Variants in HPGD observed in about 807,000 individuals in gnomAD.
HPGD encodes 15-hydroxyprostaglandin dehydrogenase.
Under a neutral mutation model 30.0 loss-of-function variants are expected in HPGD, and 29 were observed. The ratio of observed to expected loss-of-function variants is 0.97; its 90% CI spans 0.72 to 1.32. The LOEUF (loss-of-function observed/expected upper bound fraction) is 1.32, where lower values mean the gene tolerates loss of function less well. Among genes scored for constraint, HPGD ranks in the 40% most tolerant of loss-of-function variants. HPGD has a pLI of 0.00. For synonymous variants in HPGD, 99 were observed against 112.4 expected (o/e 0.88, Z 0.75); for missense variants, 340 against 322.1 (o/e 1.06, Z -0.43).
chr4:174,522,822 G>A (rs913002257), upstream of HPGD: 1 of 182,654 alleles, frequency 5.5e-6, no homozygotes, highest in African/African-American at 2.3e-5. Context: ...GCGGAGCAGA[G>A]GCTTGGAAGC....
At chr4:174,516,927 C>T (rs1453478950) in intron 3 of HPGD, among the ~76,000 whole-genome samples, 1 of 152,126 alleles carries the variant, frequency 6.6e-6, no homozygotes, top group Admixed American at 6.6e-5. Flanking sequence ...CAAAGAAAAA[C>T]ACAACCCAGT....
chr4:174,522,053 A>G lies in HPGD; in HGVS notation c.108T>C (p.Asp36=). ...ACTGTACACCTGCTTCAAGATTCCA[A>G]TCCACCAGCGCTACCTATAGACAAG... ...LLKGAKVALV[D]WNLEAGVQCK... is the part of the protein sequence containing the mutation. Residue 36 remains aspartate (D), a synonymous_variant, in exon 2 of 7, where the codon GAT becomes GAC. Coordinates refer to ENST00000296522, the MANE Select transcript of HPGD (RefSeq NM_000860.6). The G allele has an allele frequency of 1.2e-6, 2 of 1,614,190 alleles. No homozygotes were observed. The highest frequency in any genetic ancestry group is 1.7e-6 in the Non-Finnish European group (2 of 1,180,024).
intron 4 of HPGD, among the ~76,000 whole-genome samples, chr4:174,497,549 CTTTTCTTTCT>C (rs1473942580): frequency 4.7e-5 from 3 of 64,470 alleles, no homozygotes; most frequent in Non-Finnish European, 1.1e-4. Context: ...CTTTCACTTT[CTTTTCTTTCT>C]TTTTCTTTCT....
rs1407149829 is a variant in HPGD at position 174,521,963 on chromosome 4, A to G, written c.198T>C (p.Ala66=). Residue 66 remains alanine, a synonymous_variant, in exon 2 of 7, where the codon GCT becomes GCC. Coordinates refer to ENST00000296522, the MANE Select transcript of HPGD (RefSeq NM_000860.6). The part of the protein sequence containing the change: ...QKTLFIQCDV[A]DQQQLRDTFR... ...TCTTACCTCTCAGTTGTTGCTGGTC[A>G]GCCACATCGCACTGGATGAACAGAG... 1 of 1,614,052 alleles carries G rather than the reference A, an allele frequency of 6.2e-7. No individual in the cohort carries two copies. Among genetic ancestry groups the G allele is most frequent in the Admixed American group, 1.7e-5 (1 of 60,008 alleles).
At chr4:174,516,631 C>T (rs1036260295) in intron 3 of HPGD, among the ~76,000 whole-genome samples, 2 of 151,644 alleles carry the variant, frequency 1.3e-5, no homozygotes, top group African/African-American at 4.8e-5. Context: ...ACACCCTGAA[C>T]CTAAAATAAA....
intron 4 of HPGD, chr4:174,508,238 C>T: frequency 1.5e-6 from 1 of 656,954 alleles, no homozygotes; most frequent in Non-Finnish European, 2.8e-6. Context: ...TGTGCTTATA[C>T]TACATGTAAG....
Position 174,521,994 on chromosome 4 carries a change from T to C in HPGD, c.167A>G (p.Gln56Arg). ...ATCGCACTGGATGAACAGAGTCTTC[T>C]GAGGTTCAAACTGCTCATCCAGGGC... ...KAALDEQFEP[Q>R]KTLFIQCDVA... Residue 56 changes from glutamine to arginine, a missense_variant, in exon 2 of 7, where the codon CAG becomes CGG. Coordinates refer to ENST00000296522, the MANE Select transcript of HPGD (RefSeq NM_000860.6). 1 of 1,614,170 alleles carries C rather than the reference T, an allele frequency of 6.2e-7. No homozygotes were observed. The highest frequency in any genetic ancestry group is 8.5e-7 in the Non-Finnish European group (1 of 1,179,982).
chr4:174,521,225 C>CA (rs35013459), intron 2 of HPGD, among the ~76,000 whole-genome samples: 6,713 of 76,622 alleles, frequency 0.088, 159 homozygotes, highest in Admixed American at 0.11. Flanking sequence ...AATAGATGTA[C>CA]AAAAAAAAAA....
chr4:174,519,737 A>G (rs2110879338), intron 2 of HPGD, among the ~76,000 whole-genome samples: 1 of 151,584 alleles, frequency 6.6e-6, no homozygotes, highest in East Asian at 2.0e-4. Context: ...TCCTTTACCT[A>G]CCCAAATCTT....
chr4:174,508,838 T>C (rs1377881812), intron 3 of HPGD, 46 bp from the exon 4 acceptor site: 6 of 1,028,852 alleles, frequency 5.8e-6, no homozygotes, highest in Middle Eastern at 2.0e-4. Flanking sequence ...TCATTATCCT[T>C]TCCCATATTT....
In HPGD at chr4:174,492,148, T is replaced by G. The variant is rs1430096435; in HGVS notation, c.663-54A>C. 1 of 1,507,236 alleles carries G rather than the reference T, an allele frequency of 6.6e-7. No homozygotes were observed. The highest frequency in any genetic ancestry group is 9.2e-7 in the Non-Finnish European group (1 of 1,088,492). 93.4% of individuals were successfully genotyped at this position (1,507,236 alleles called of 1,614,324 possible). A position where few individuals can be genotyped will look rare whatever the true frequency, so the allele number is the denominator to read the frequency against. ...ACGAAAGAATGAGGCATATTACCAC[T>G]TCATTTTAAGTTATTTTCTGAAGAA... On this transcript the variant is annotated intron_variant, in intron 6 of 6. Coordinates refer to ENST00000296522, the MANE Select transcript of HPGD (RefSeq NM_000860.6). The surrounding 1 kb of genome is among the most constrained non-coding windows in gnomAD (Gnocchi z 4.9).
chr4:174,520,083 C>G (rs369129382), intron 2 of HPGD, among the ~76,000 whole-genome samples: 2 of 152,048 alleles, frequency 1.3e-5, no homozygotes, highest in Non-Finnish European at 2.9e-5. Context: ...CTTCATAACT[C>G]CACAGAAACA....
chr4:174,518,105 A>G, intron 2 of HPGD, 28 bp from the exon 3 acceptor site: 1 of 1,070,354 alleles, frequency 9.3e-7, no homozygotes, highest in Non-Finnish European at 1.5e-6. Context: ...TATTAGTGAT[A>G]CATTCTTATT....
intron 3 of HPGD, among the ~76,000 whole-genome samples, chr4:174,517,149 CCAAT>C (rs1735823844): frequency 6.6e-6 from 1 of 152,144 alleles, no homozygotes. Flanking sequence ...TTACTAAACT[CCAAT>C]ATCTTATGTC....
At chr4:174,519,420 A>G (rs1267677831) in intron 2 of HPGD, among the ~76,000 whole-genome samples, 1 of 152,078 alleles carries the variant, frequency 6.6e-6, no homozygotes, top group Non-Finnish European at 1.5e-5. Context: ...TCACCGTGTT[A>G]GCCAGGATGA....
At chr4:174,501,887 A>G (rs962190289) in intron 4 of HPGD, among the ~76,000 whole-genome samples, 8 of 152,208 alleles carry the variant, frequency 5.3e-5, no homozygotes, top group Non-Finnish European at 8.8e-5. Flanking sequence ...CACAGAAGGT[A>G]AAAAAGCTCA....
In HPGD at chr4:174,492,149, T is replaced by C; in HGVS notation, c.663-55A>G. On this transcript the variant is annotated intron_variant, in intron 6 of 6. Coordinates refer to ENST00000296522, the MANE Select transcript of HPGD (RefSeq NM_000860.6). The surrounding 1 kb of genome is among the most constrained non-coding windows in gnomAD (Gnocchi z 4.9). ...CGAAAGAATGAGGCATATTACCACTTCATTTTAAGTTATTTTCTGAAGAAT... is the reference window on the plus strand; with the variant it reads ...CGAAAGAATGAGGCATATTACCACTCCATTTTAAGTTATTTTCTGAAGAAT... 6.7e-7 allele frequency: 1 copy of C among 1,490,856 alleles called. No individual in the cohort carries two copies. Among genetic ancestry groups the C allele is most frequent in the Non-Finnish European group, 9.3e-7 (1 of 1,073,844 alleles). 92.4% of individuals were successfully genotyped at this position (1,490,856 alleles called of 1,614,324 possible).
intron 4 of HPGD, chr4:174,507,585 C>T (rs920956271): frequency 6.6e-6 from 1 of 152,208 alleles, no homozygotes; most frequent in African/African-American, 2.4e-5. Context: ...GAAATCACCA[C>T]ATTAACTAAA....
In HPGD at chr4:174,493,201, T is replaced by C. The variant is rs1734425043; in HGVS notation, c.612A>G (p.Ile204Met). The C allele has an allele frequency of 6.2e-7, 1 of 1,607,822 alleles. No homozygotes were observed. The highest frequency in any genetic ancestry group is 1.1e-5 in the South Asian group (1 of 90,898). ...IEKEENMGQY[I>M]EYKDHIKDMI... Reference sequence around the variant, plus strand: ...TATCCTTGATATGATCCTTATATTCTATATATTGTCCCATGTTTTCTTCTT... The same window carrying C: ...TATCCTTGATATGATCCTTATATTCCATATATTGTCCCATGTTTTCTTCTT... The change falls in exon 6 of 7, where the codon ATA (isoleucine) becomes ATG (methionine). Residue 204 changes from isoleucine (I) to methionine (M), a missense_variant. Physicochemically the swap from Ile to Met is conservative, Grantham distance 10 (BLOSUM62 1). Transcript: ENST00000296522.
Sources: gnomAD v4.1 joint callset for allele counts (sites outside exome capture counted in the v4.1 genomes callset) on GRCh38, gnomAD v4.1.1 for gene constraint, Gnocchi (gnomAD v3.1) non-coding constraint, MANE v1.5 for transcripts, NCBI Gene and HGNC (gene_info 2026-07-23, HGNC 2026-07-21) for gene names.